INSL6: variants seen among roughly 807,000 people sequenced by gnomAD.
INSL6 encodes insulin like 6, also known as insulin-like peptide INSL6.
Under a neutral mutation model 9.4 loss-of-function variants are expected in INSL6, and 16 were observed. The observed-to-expected ratio is 1.70, with a 90% CI of 1.15 to 2.59. The LOEUF (loss-of-function observed/expected upper bound fraction) is 2.59, where lower values mean the gene tolerates loss of function less well. INSL6 is among the 30% of genes most tolerant of loss of function. INSL6 has a pLI of 0.00. For missense variants in INSL6, 391 were observed against 257.3 expected (o/e 1.52, Z -3.56); for synonymous variants, 154 against 96.9 (o/e 1.59, Z -3.46).
At chr9:5,086,684 CTTAGAAAAT>C in the INSL6 span, among the ~76,000 whole-genome samples, 4 of 152,134 alleles carry the variant, frequency 2.6e-5, no homozygotes, top group Non-Finnish European at 4.4e-5. Context: ...AATAACCTTA[CTTAGAAAAT>C]TTCCTACCCT....
At position 5,164,132 on chromosome 9, in the gene INSL6, A is replaced by G; in HGVS notation, c.423T>C (p.Ile141=). Residue 141 remains isoleucine, a synonymous_variant, in exon 2 of 2, where the codon ATT becomes ATC. Transcript: ENST00000381641. ...FSSSHNINVY[I]HENAKFQKKR... is the part of the protein sequence containing the mutation. ...TCTTCTGAAATTTTGCATTCTCATG[A>G]ATATATACATTGATATTATGTGATG... is the stretch of plus-strand genomic sequence containing the variant. 1 of 1,611,946 alleles carries G rather than the reference A, an allele frequency of 6.2e-7. No individual in the cohort carries two copies. Among genetic ancestry groups the G allele is most frequent in the Non-Finnish European group, 8.5e-7 (1 of 1,179,212 alleles).
chr9:5,024,444 C>G, the INSL6 span, among the ~76,000 whole-genome samples: 5 of 151,894 alleles, frequency 3.3e-5, no homozygotes, highest in Admixed American at 3.3e-4. Flanking sequence ...CAGTGTTTAC[C>G]CAGTCCATTT....
chr9:5,019,176 A>G, the INSL6 span, among the ~76,000 whole-genome samples: 1 of 152,160 alleles, frequency 6.6e-6, no homozygotes, highest in African/African-American at 2.4e-5. Flanking sequence ...ATTGTCTTCT[A>G]GAATACTGAA....
Position 5,185,517 on chromosome 9 carries a change from G to A in INSL6, c.86C>T (p.Ala29Val). Reference protein sequence around the residue: ...FSRELSDISSARKLCGRYLVK... With the variant: ...FSRELSDISSVRKLCGRYLVK... Reference sequence around the variant, plus strand: ...CAAGTACCTGCCGCACAGCTTCCTGGCACTGCTGATGTCGCTCAGTTCACG... The same window carrying A: ...CAAGTACCTGCCGCACAGCTTCCTGACACTGCTGATGTCGCTCAGTTCACG... The change falls in exon 1 of 2, where the codon GCC (alanine) becomes GTC (valine). Residue 29 changes from alanine (A) to valine (V), a missense_variant. Coordinates refer to ENST00000381641, the MANE Select transcript of INSL6 (RefSeq NM_007179.3). 1.2e-6 allele frequency: 2 copies of A among 1,614,180 alleles called. No individual in the cohort carries two copies. Among genetic ancestry groups the A allele is most frequent in the Non-Finnish European group, 1.7e-6 (2 of 1,180,026 alleles).
chr9:5,058,265 A>G, the INSL6 span, among the ~76,000 whole-genome samples: 1 of 152,180 alleles, frequency 6.6e-6, no homozygotes, highest in African/African-American at 2.4e-5. Flanking sequence ...TAATTTATTT[A>G]AAAAGAGGGT....
intron 1 of INSL6, among the ~76,000 whole-genome samples, chr9:5,166,195 CAGA>C: frequency 6.6e-6 from 1 of 152,202 alleles, no homozygotes; most frequent in East Asian, 1.9e-4. Context: ...GAGAGGAAGG[CAGA>C]AGATTTTTGT....
intron 2 of INSL6, among the ~76,000 whole-genome samples, chr9:5,154,372 A>T (rs1367721404): frequency 6.6e-6 from 1 of 152,184 alleles, no homozygotes; most frequent in Non-Finnish European, 1.5e-5. Flanking sequence ...TAAAAACTGT[A>T]GAAGAAAACC....
intron 2 of INSL6, among the ~76,000 whole-genome samples, chr9:5,152,597 G>T (rs1355440468): frequency 6.6e-6 from 1 of 152,058 alleles, no homozygotes; most frequent in Non-Finnish European, 1.5e-5. Flanking sequence ...TCTAAAACCA[G>T]TAATTTCAGA....
the INSL6 span, among the ~76,000 whole-genome samples, chr9:5,050,048 C>G: frequency 5.3e-5 from 8 of 152,272 alleles, no homozygotes; most frequent in South Asian, 1.7e-3. Context: ...TCCAACACCA[C>G]TTGTAGTATG....
the INSL6 span, chr9:5,064,989 C>A: frequency 6.2e-7 from 1 of 1,610,512 alleles, no homozygotes; most frequent in African/African-American, 1.3e-5. Context: ...AAAGAAGTAG[C>A]ACCTCCAGCC....
the INSL6 span, chr9:5,111,619 C>T: frequency 2.7e-6 from 1 of 374,136 alleles, no homozygotes; most frequent in Non-Finnish European, 5.2e-6. Flanking sequence ...TGGGCTTTGG[C>T]CCCATGCTGG....
intron 2 of INSL6, among the ~76,000 whole-genome samples, chr9:5,145,047 C>T (rs998190823): frequency 6.6e-6 from 1 of 152,138 alleles, no homozygotes; most frequent in Non-Finnish European, 1.5e-5. Context: ...TATGTGATTG[C>T]TTCATAGTAT....
At chr9:5,119,953 T>C (rs2130841842), downstream of INSL6, among the ~76,000 whole-genome samples, 1 of 152,286 alleles carries the variant, frequency 6.6e-6, no homozygotes, top group Middle Eastern at 3.4e-3. Context: ...ATAAAATAAG[T>C]TTGAGCTAAC....
At chr9:5,140,739 G>C (rs1824480713) in intron 2 of INSL6, among the ~76,000 whole-genome samples, 1 of 151,680 alleles carries the variant, frequency 6.6e-6, no homozygotes, top group Non-Finnish European at 1.5e-5. Context: ...TTAATTTTAA[G>C]TTCAGGGTAC....
At chr9:5,152,684 A>G (rs1313691526) in intron 2 of INSL6, among the ~76,000 whole-genome samples, 1 of 152,218 alleles carries the variant, frequency 6.6e-6, no homozygotes, top group Non-Finnish European at 1.5e-5. Flanking sequence ...ATAAAACAAC[A>G]AACGAGAAAA....
intron 1 of INSL6, among the ~76,000 whole-genome samples, chr9:5,180,345 T>A (rs1236726106): frequency 6.6e-6 from 1 of 152,074 alleles, no homozygotes; most frequent in African/African-American, 2.4e-5. Context: ...TAACAGCAAT[T>A]TTTAGGGAAC....
the INSL6 span, among the ~76,000 whole-genome samples, chr9:5,062,021 T>G: frequency 6.6e-6 from 1 of 152,174 alleles, no homozygotes; most frequent in South Asian, 2.1e-4. Flanking sequence ...TATACAAATT[T>G]ATCACTTAAG....
chr9:5,182,939 AG>A (rs1331369982), intron 1 of INSL6, among the ~76,000 whole-genome samples: 11 of 152,218 alleles, frequency 7.2e-5, no homozygotes, highest in Non-Finnish European at 1.5e-5. Context: ...TTTGAAAAAA[AG>A]CATTTTTTAA....
chr9:5,009,409 C>G, the INSL6 span, among the ~76,000 whole-genome samples: 2 of 151,914 alleles, frequency 1.3e-5, no homozygotes, highest in African/African-American at 4.8e-5. Flanking sequence ...CTATGAAATG[C>G]CCAGGCTGTC....
Sources: gnomAD v4.1 joint callset for allele counts (sites outside exome capture counted in the v4.1 genomes callset) on GRCh38, gnomAD v4.1.1 for gene constraint, MANE v1.5 for transcripts, NCBI Gene and HGNC (gene_info 2026-07-23, HGNC 2026-07-21) for gene names.